ZNF341: variants seen among roughly 807,000 people sequenced by gnomAD.
The protein encoded by ZNF341 is zinc finger protein 341.
Under a neutral mutation model 87.7 loss-of-function variants are expected in ZNF341, and 52 were observed. The observed-to-expected ratio is 0.59, with a 90% CI of 0.47 to 0.75. The LOEUF is 0.75. Ranked by LOEUF, ZNF341 falls within the 30% of genes least tolerant of loss-of-function variation. The probability of loss-of-function intolerance (pLI) is 0.00; values close to 1 mark genes in which losing one functional copy is unlikely to be tolerated. For missense variants in ZNF341, 977 were observed against 1,145.9 expected, an observed-to-expected ratio of 0.85 and a Z score of 2.13; for synonymous variants, 459 against 472.7, an observed-to-expected ratio of 0.97 and a Z score of 0.38.
chr20:33,766,039 C>T (rs891555770), intron 8 of ZNF341, among the ~76,000 whole-genome samples: 9 of 152,066 alleles, frequency 5.9e-5, no homozygotes, highest in Non-Finnish European at 1.0e-4. Context: ...TGCGTCACCA[C>T]GCCCAGATAA....
At chr20:33,751,715 C>T (rs2019059564) in intron 4 of ZNF341, among the ~76,000 whole-genome samples, 1 of 152,126 alleles carries the variant, frequency 6.6e-6, no homozygotes, top group African/African-American at 2.4e-5. Context: ...GCTGGGACTA[C>T]AGGTGTGCAC....
chr20:33,747,581 C>T (rs1342269637), intron 3 of ZNF341, among the ~76,000 whole-genome samples: 2 of 117,378 alleles, frequency 1.7e-5, no homozygotes, highest in African/African-American at 4.5e-5. Flanking sequence ...CGCCACTGCA[C>T]TCCAGCCTGG....
chr20:33,791,137 C>G lies in ZNF341; in HGVS notation c.2185C>G (p.His729Asp). The G allele has an allele frequency of 6.2e-7, 1 of 1,613,336 alleles. No homozygotes were observed. The highest frequency in any genetic ancestry group is 8.5e-7 in the Non-Finnish European group (1 of 1,180,028). The change falls in exon 15 of 15, where the codon CAC (histidine) becomes GAC (aspartate). Residue 729 changes from histidine (H) to aspartate (D), a missense_variant. By Grantham distance (81) the His-to-Asp change is moderately conservative. Transcript: ENST00000375200. ...TTCCCGCCACAAATACCTCAAAGAT[C>G]ACCGCTGTCGTCTCGGCCCCCAAAA... is the stretch of plus-strand genomic sequence containing the variant. Reference protein sequence around the residue: ...GFSRHKYLKDHRCRLGPQKDK... With the variant: ...GFSRHKYLKDDRCRLGPQKDK...
At chr20:33,775,211 TG>T (rs1369432788) in intron 10 of ZNF341, among the ~76,000 whole-genome samples, 11 of 151,400 alleles carry the variant, frequency 7.3e-5, no homozygotes, top group African/African-American at 2.7e-4. Context: ...GAAAGGGTTT[TG>T]TTTTTTTTTT....
intron 1 of ZNF341, among the ~76,000 whole-genome samples, chr20:33,733,647 A>G (rs1472940536): frequency 6.6e-6 from 1 of 152,132 alleles, no homozygotes; most frequent in Admixed American, 6.6e-5. Flanking sequence ...TGCTGGGATT[A>G]CAGGCGTGAG....
chr20:33,759,590 A>G (rs1328108498), intron 7 of ZNF341, among the ~76,000 whole-genome samples: 1 of 152,008 alleles, frequency 6.6e-6, no homozygotes, highest in Admixed American at 6.6e-5. Context: ...GGCCGATGAG[A>G]TGATTTTTGG....
intron 14 of ZNF341, among the ~76,000 whole-genome samples, chr20:33,789,945 G>C (rs1312670260): frequency 6.6e-6 from 1 of 152,134 alleles, no homozygotes; most frequent in East Asian, 1.9e-4. Flanking sequence ...GGCAGGGCAG[G>C]GGTCTCCAAG....
At chr20:33,760,395 T>C (rs1399575468) in intron 7 of ZNF341, among the ~76,000 whole-genome samples, 1 of 152,042 alleles carries the variant, frequency 6.6e-6, no homozygotes, top group Non-Finnish European at 1.5e-5. Flanking sequence ...AGGGTGAGAC[T>C]CTGTCTCAAA....
chr20:33,791,697 C>T lies in ZNF341; in HGVS notation c.*180C>T, dbSNP rs564373984. ...TCGCCCTCCTGTGCCCCTCTCCTGC[C>T]GGAAAGCCCTGCAACATTCTAGGGT... On this transcript the variant is annotated 3_prime_UTR_variant, in exon 15 of 15. Transcript: ENST00000375200. The T allele has an allele frequency of 6.2e-5, 42 of 675,662 alleles. No homozygotes were observed. The highest frequency in any genetic ancestry group is 3.8e-4 in the African/African-American group (21 of 55,774). 41.9% of individuals were successfully genotyped at this position (675,662 alleles called of 1,614,324 possible).
rs371583936 is a variant in ZNF341, at chr20:33,758,816, C to A, written c.1028+10C>A. 1.2e-6 allele frequency: 2 copies of A among 1,612,578 alleles called. No individual in the cohort carries two copies. The highest frequency in any genetic ancestry group is 3.3e-5 in the Admixed American group (2 of 59,910). ...AGCAGCACATCCGAAGGTACACATGCGTGGTGAGGCAGGTGGCTCCTGGGC... is the reference window on the plus strand; with the variant it reads ...AGCAGCACATCCGAAGGTACACATGAGTGGTGAGGCAGGTGGCTCCTGGGC... On this transcript the variant is annotated intron_variant, in intron 7 of 14. Transcript: ENST00000375200.
rs1387696691 is a variant in ZNF341 at position 33,770,443 on chromosome 20, G to A, written c.1622+151G>A. The stretch of plus-strand genomic sequence containing the variant: ...CCTGGCTGGGGTCCAGCCTGGCAGA[G>A]TGGGTTCTGGGCTTTGGCACTGGTG... On this transcript the variant is annotated intron_variant, in intron 10 of 14. Coordinates refer to ENST00000375200, the MANE Select transcript of ZNF341 (RefSeq NM_001282933.2). 1.8e-5 allele frequency: 13 copies of A among 727,206 alleles called. No individual in the cohort carries two copies. The Admixed American group carries it at 3.4e-4, about 19-fold the overall frequency. 45.0% of individuals were successfully genotyped at this position (727,206 alleles called of 1,614,324 possible). A position where few individuals can be genotyped will look rare whatever the true frequency, so the allele number is the denominator to read the frequency against.
At chr20:33,768,334 G>A (rs186596964) in intron 9 of ZNF341, among the ~76,000 whole-genome samples, 15 of 152,008 alleles carry the variant, frequency 9.9e-5, no homozygotes, top group Non-Finnish European at 2.1e-4. Flanking sequence ...TGTTGGCCAG[G>A]CTGGTCCCGA....
At chr20:33,772,806 C>T (rs957924480) in intron 10 of ZNF341, among the ~76,000 whole-genome samples, 16 of 152,138 alleles carry the variant, frequency 1.1e-4, no homozygotes, top group Non-Finnish European at 1.6e-4. Flanking sequence ...TGAAGGGCCA[C>T]GTAGAAATCA....
At chr20:33,752,225 GT>G (rs2019074557) in intron 4 of ZNF341, 1 of 571,614 alleles carries the variant, frequency 1.7e-6, no homozygotes, top group African/African-American at 1.8e-5. Flanking sequence ...AGGTACATAG[GT>G]AACCAAAGTA....
intron 10 of ZNF341, among the ~76,000 whole-genome samples, chr20:33,778,851 C>G (rs2019680070): frequency 6.6e-6 from 1 of 151,890 alleles, no homozygotes. Flanking sequence ...CTTTTTTTGT[C>G]TGATAATACC....
At chr20:33,782,927 G>A (rs994917363) in intron 11 of ZNF341, among the ~76,000 whole-genome samples, 4 of 152,040 alleles carry the variant, frequency 2.6e-5, no homozygotes, top group Non-Finnish European at 5.9e-5. Context: ...AGGCTGAGGC[G>A]GGTGGATCAC....
intron 8 of ZNF341, among the ~76,000 whole-genome samples, chr20:33,765,493 C>T (rs1265233317): frequency 1.3e-5 from 2 of 151,924 alleles, no homozygotes; most frequent in Non-Finnish European, 2.9e-5. Context: ...ATCCTCCCAC[C>T]TCAGCTTCCT....
chr20:33,789,906 A>C (rs2019962212), intron 14 of ZNF341, among the ~76,000 whole-genome samples: 1 of 152,074 alleles, frequency 6.6e-6, no homozygotes, highest in South Asian at 2.1e-4. Context: ...AGCCAGGTCC[A>C]AGACATGGCC....
intron 2 of ZNF341, among the ~76,000 whole-genome samples, chr20:33,742,634 TAA>T (rs926311162): frequency 1.4e-5 from 2 of 144,790 alleles, no homozygotes; most frequent in African/African-American, 2.5e-5. Flanking sequence ...TCTCTTTAAT[TAA>T]AAAAAAAAAA....
Sources: gnomAD v4.1 joint callset for allele counts (sites outside exome capture counted in the v4.1 genomes callset) on GRCh38, gnomAD v4.1.1 for gene constraint, MANE v1.5 for transcripts, NCBI Gene and HGNC (gene_info 2026-07-23, HGNC 2026-07-21) for gene names.